Variants in RUFY2 observed in about 807,000 individuals in gnomAD.
RUFY2 encodes the protein RUN and FYVE domain-containing protein 2.
RUFY2 carries 49 observed loss-of-function variants against 94.4 expected under a neutral mutation model. That is an observed-to-expected ratio of 0.52 (90% CI 0.41 to 0.66). RUFY2 has a LOEUF of 0.66. RUFY2 is among the 30% of genes least tolerant of loss of function. The probability of loss-of-function intolerance (pLI) is 0.00; values close to 1 mark genes in which losing one functional copy is unlikely to be tolerated. For synonymous variants in RUFY2, 255 were observed against 235.7 expected (o/e 1.08, Z -0.75); for missense variants, 541 against 692.8 (o/e 0.78, Z 2.46).
intron 13 of RUFY2, among the ~76,000 whole-genome samples, chr10:68,365,484 G>A (rs10998085): frequency 0.021 from 3,262 of 152,180 alleles, 49 homozygotes; most frequent in Non-Finnish European, 0.033. Flanking sequence ...ATCCTGTGAC[G>A]GAATGGTGTC....
At position 68,394,004 on chromosome 10, in the gene RUFY2, T is replaced by A. The variant is rs755046320; in HGVS notation, c.584+71A>T. Reference sequence around the variant, plus strand: ...AAAATAAAACCACACTGTAAATAGATGGATCTTATAATGATTTGTAAAGAG... The same window carrying A: ...AAAATAAAACCACACTGTAAATAGAAGGATCTTATAATGATTTGTAAAGAG... On this transcript the variant is annotated intron_variant, in intron 6 of 17. Coordinates refer to ENST00000602465, the MANE Select transcript of RUFY2 (RefSeq NM_001330103.2). 8.2e-6 allele frequency: 12 copies of A among 1,454,600 alleles called. No individual in the cohort carries two copies. In the African/African-American group the frequency reaches 1.6e-4, roughly 19 times the overall value. 90.1% of individuals were successfully genotyped at this position (1,454,600 alleles called of 1,614,324 possible).
At chr10:68,387,576 C>A (rs998799079) in intron 7 of RUFY2, among the ~76,000 whole-genome samples, 3 of 152,114 alleles carry the variant, frequency 2.0e-5, no homozygotes, top group Admixed American at 6.6e-5. Flanking sequence ...AAGACATAAT[C>A]ATTCTTAGGT....
In RUFY2 at chr10:68,396,821, G is replaced by C. The variant is rs779088701; in HGVS notation, c.357C>G (p.Ala119=). The C allele has an allele frequency of 6.2e-7, 1 of 1,613,880 alleles. No individual in the cohort carries two copies. The highest frequency in any genetic ancestry group is 8.5e-7 in the Non-Finnish European group (1 of 1,179,860). The change falls in exon 4 of 18, where the codon GCC becomes GCG. Residue 119 remains alanine, a synonymous_variant. Transcript: ENST00000602465. ...GAATAATTAAGCAACGTAAGTAATC[G>C]GCCATTTTTTTTTGCATGAGGGCTA... The part of the protein sequence containing the change: ...LRLALMQKKM[A]DYLRCLIIQR...
intron 15 of RUFY2, among the ~76,000 whole-genome samples, chr10:68,357,062 G>A (rs1289652052): frequency 1.3e-5 from 2 of 151,674 alleles, no homozygotes; most frequent in Admixed American, 1.3e-4. Context: ...AGCTACTCAG[G>A]AGGCTGAGGC....
At position 68,345,747 on chromosome 10, in the gene RUFY2, T is replaced by C; in HGVS notation, c.*21A>G. The C allele has an allele frequency of 6.3e-7, 1 of 1,598,356 alleles. No homozygotes were observed. The highest frequency in any genetic ancestry group is 8.5e-7 in the Non-Finnish European group (1 of 1,169,782). On this transcript the variant is annotated 3_prime_UTR_variant, in exon 18 of 18. Coordinates refer to ENST00000602465, the MANE Select transcript of RUFY2 (RefSeq NM_001330103.2). The stretch of plus-strand genomic sequence containing the variant: ...CATTCATTGTAGGTAATTTCATACA[T>C]AAGGATTTAGTTCTGGAGTCTCAGG...
chr10:68,377,165 T>C (rs978887999), intron 12 of RUFY2, 193 bp from the exon 13 acceptor site: 3 of 1,442,152 alleles, frequency 2.1e-6, no homozygotes, highest in Non-Finnish European at 2.7e-6. Flanking sequence ...ATTTTTTTTT[T>C]TCAATATAAC....
In RUFY2 at chr10:68,392,051, T is replaced by A. The variant is rs555933874; in HGVS notation, c.650+1087A>T. ...TTTCTTTTTTTTTTTTGAGACGGAG[T>A]TTCACATTTCACTTTTGTTGCCCAA... On this transcript the variant is annotated intron_variant, in intron 7 of 17. Coordinates refer to ENST00000602465, the MANE Select transcript of RUFY2 (RefSeq NM_001330103.2). Among the ~76,000 whole-genome samples, 19 of 149,350 alleles carry A rather than the reference T, an allele frequency of 1.3e-4. 1 individual carries two copies. The East Asian group carries it at 3.5e-3, about 28-fold the overall frequency.
At position 68,345,324 on chromosome 10, in the gene RUFY2, G is replaced by T. The variant is rs1215895286; in HGVS notation, c.*444C>A. The stretch of plus-strand genomic sequence containing the variant: ...ATAAATATAGTTGAAATCTTACAAA[G>T]ATAATGAAAATCTGTTGAATTAGAA... On this transcript the variant is annotated 3_prime_UTR_variant, in exon 18 of 18. Coordinates refer to ENST00000602465, the MANE Select transcript of RUFY2 (RefSeq NM_001330103.2). The T allele has an allele frequency of 3.3e-6, 1 of 307,174 alleles. No homozygotes were observed. The highest frequency in any genetic ancestry group is 1.6e-4 in the South Asian group (1 of 6,246). 19.0% of individuals were successfully genotyped at this position (307,174 alleles called of 1,614,324 possible). A position where few individuals can be genotyped will look rare whatever the true frequency, so the allele number is the denominator to read the frequency against.
chr10:68,403,232 A>G (rs2051001905), intron 2 of RUFY2, among the ~76,000 whole-genome samples: 3 of 150,020 alleles, frequency 2.0e-5, no homozygotes, highest in South Asian at 2.1e-4. Flanking sequence ...CAGAAAAGGG[A>G]TAACAGAATA....
intron 1 of RUFY2, chr10:68,406,930 G>T (rs1313255225): frequency 1.9e-6 from 3 of 1,558,518 alleles, no homozygotes; most frequent in Non-Finnish European, 2.6e-6. Flanking sequence ...GCTCCTGGAC[G>T]CCGTGGCACC....
intron 7 of RUFY2, among the ~76,000 whole-genome samples, chr10:68,386,602 C>A (rs776419704): frequency 2.0e-5 from 3 of 152,174 alleles, no homozygotes; most frequent in Non-Finnish European, 4.4e-5. Context: ...CCCACCTCAG[C>A]CTCCCAAAGT....
At chr10:68,407,060 G>A in intron 1 of RUFY2, 126 bp downstream of exon 1, 2 of 1,474,394 alleles carry the variant, frequency 1.4e-6, no homozygotes, top group East Asian at 2.6e-5. Flanking sequence ...CGCCCATCCT[G>A]GGTTCGGGCC....
chr10:68,342,051 C>T (rs768467903), downstream of RUFY2: 18 of 1,611,678 alleles, frequency 1.1e-5, no homozygotes, highest in Non-Finnish European at 1.4e-5. Context: ...GTGGGATGTA[C>T]TGAAAGCAAA....
intron 7 of RUFY2, among the ~76,000 whole-genome samples, chr10:68,389,923 T>C (rs899393052): frequency 1.3e-5 from 2 of 152,210 alleles, no homozygotes; most frequent in African/African-American, 4.8e-5. Context: ...AAAGTATCTC[T>C]GGATACACAA....
Position 68,386,132 on chromosome 10 carries a change from AAATT to A in RUFY2, c.651-8_651-5del, listed in dbSNP as rs1369060753. The A allele has an allele frequency of 6.2e-7, 1 of 1,605,474 alleles. No individual in the cohort carries two copies. The highest frequency in any genetic ancestry group is 8.5e-7 in the Non-Finnish European group (1 of 1,176,974). ...ATGGAGGCTGCTGACTGTGCTGCTGAAATTAAGAAACAAAAAAACTCATTCAAAA... is the reference window on the plus strand; with the variant it reads ...ATGGAGGCTGCTGACTGTGCTGCTGAAAGAAACAAAAAAACTCATTCAAAA... On this transcript the variant is annotated splice_polypyrimidine_tract_variant and splice_region_variant and intron_variant, in intron 7 of 17. Transcript: ENST00000602465.
intron 15 of RUFY2, among the ~76,000 whole-genome samples, chr10:68,360,069 G>A (rs1353375546): frequency 1.1e-4 from 17 of 151,716 alleles, no homozygotes; most frequent in East Asian, 3.9e-4. Flanking sequence ...CAAGTGATCC[G>A]CCCGCCTCAG....
intron 16 of RUFY2, among the ~76,000 whole-genome samples, chr10:68,349,546 ATT>A: frequency 6.7e-6 from 1 of 149,950 alleles, no homozygotes; most frequent in Non-Finnish European, 1.5e-5. Context: ...AGAAAAAAAA[ATT>A]TTTTTTTTGA....
intron 15 of RUFY2, among the ~76,000 whole-genome samples, chr10:68,361,733 C>T (rs1208597498): frequency 6.6e-6 from 1 of 152,060 alleles, no homozygotes; most frequent in Non-Finnish European, 1.5e-5. Flanking sequence ...TAATGGAATC[C>T]CACCTTTAGC....
At chr10:68,349,816 G>A (rs1208360449) in intron 16 of RUFY2, among the ~76,000 whole-genome samples, 1 of 151,556 alleles carries the variant, frequency 6.6e-6, no homozygotes, top group Non-Finnish European at 1.5e-5. Context: ...GGGATTACAG[G>A]CGTGAGCCAC....
Sources: gnomAD v4.1 joint callset for allele counts (sites outside exome capture counted in the v4.1 genomes callset) on GRCh38, gnomAD v4.1.1 for gene constraint, MANE v1.5 for transcripts, NCBI Gene and HGNC (gene_info 2026-07-23, HGNC 2026-07-21) for gene names.